SRPK2: variants seen among roughly 807,000 people sequenced by gnomAD.
SRPK2 encodes the protein SFRS protein kinase 2.
SRPK2 carries 21 observed loss-of-function variants against 90.8 expected under a neutral mutation model. That is an observed-to-expected ratio of 0.23 (90% CI 0.16 to 0.33). The LOEUF (loss-of-function observed/expected upper bound fraction) is 0.33. Ranked by LOEUF, SRPK2 falls within the 10% of genes least tolerant of loss-of-function variation. SRPK2 has a pLI of 1.00. For synonymous variants in SRPK2, 288 were observed against 311.1 expected, an observed-to-expected ratio of 0.93 and a Z score of 0.78; for missense variants, 620 against 869.0, an observed-to-expected ratio of 0.71 and a Z score of 3.60.
At chr7:105,305,022 A>AT (rs1810990407) in intron 2 of SRPK2, among the ~76,000 whole-genome samples, 3 of 152,252 alleles carry the variant, frequency 2.0e-5, no homozygotes, top group South Asian at 4.1e-4. Flanking sequence ...CTTTAGAAGC[A>AT]TCTAGAACCA....
intron 2 of SRPK2, among the ~76,000 whole-genome samples, chr7:105,291,515 G>A (rs749223950): frequency 6.6e-6 from 1 of 152,158 alleles, no homozygotes; most frequent in Non-Finnish European, 1.5e-5. Flanking sequence ...GATCACTTGA[G>A]TTCAGGAGTT....
At chr7:105,276,416 C>T (rs1408453859) in intron 2 of SRPK2, among the ~76,000 whole-genome samples, 1 of 151,946 alleles carries the variant, frequency 6.6e-6, no homozygotes, top group African/African-American at 2.4e-5. Context: ...TCGTGCCTTA[C>T]ATTTATCTGG....
chr7:105,330,327 ACT>A (rs1003615368), intron 2 of SRPK2, among the ~76,000 whole-genome samples: 3 of 151,804 alleles, frequency 2.0e-5, no homozygotes, highest in Non-Finnish European at 4.4e-5. Context: ...ACAGATCGAG[ACT>A]CTGTCTCAAA....
intron 2 of SRPK2, among the ~76,000 whole-genome samples, chr7:105,299,124 G>C (rs1043609386): frequency 2.0e-5 from 3 of 152,226 alleles, no homozygotes; most frequent in African/African-American, 7.2e-5. Context: ...TGTTGGAACT[G>C]AGAATGAGCC....
chr7:105,357,580 C>A (rs1162161474), intron 2 of SRPK2, among the ~76,000 whole-genome samples: 1 of 151,816 alleles, frequency 6.6e-6, no homozygotes, highest in Non-Finnish European at 1.5e-5. Flanking sequence ...CCCATCTCTA[C>A]TAAAAATACA....
At chr7:105,200,974 T>C (rs965148110) in intron 3 of SRPK2, among the ~76,000 whole-genome samples, 3 of 152,170 alleles carry the variant, frequency 2.0e-5, no homozygotes, top group Non-Finnish European at 2.9e-5. Flanking sequence ...ATCTTGATGG[T>C]TGTATTTTGA....
At chr7:105,276,676 T>C (rs971402957) in intron 2 of SRPK2, among the ~76,000 whole-genome samples, 3 of 152,070 alleles carry the variant, frequency 2.0e-5, no homozygotes, top group African/African-American at 4.8e-5. Flanking sequence ...AGGTTGAAGC[T>C]GCAGTTTACC....
At chr7:105,368,394 C>T (rs1819320869) in intron 2 of SRPK2, among the ~76,000 whole-genome samples, 1 of 152,100 alleles carries the variant, frequency 6.6e-6, no homozygotes, top group Admixed American at 6.6e-5. Flanking sequence ...TTCCTCCCAG[C>T]AAAGGAAGGA....
At chr7:105,273,763 G>A (rs1226913913) in intron 2 of SRPK2, among the ~76,000 whole-genome samples, 1 of 152,170 alleles carries the variant, frequency 6.6e-6, no homozygotes, top group African/African-American at 2.4e-5. Context: ...ACAGGCACCT[G>A]AATGTTCAAT....
chr7:105,120,840 G>A (rs1046470200), intron 15 of SRPK2, among the ~76,000 whole-genome samples: 2 of 152,134 alleles, frequency 1.3e-5, no homozygotes, highest in East Asian at 1.9e-4. Context: ...CCCCAACTCT[G>A]TATCTATTGC....
At chr7:105,215,277 A>G (rs1797322947) in intron 2 of SRPK2, among the ~76,000 whole-genome samples, 1 of 152,212 alleles carries the variant, frequency 6.6e-6, no homozygotes, top group African/African-American at 2.4e-5. Flanking sequence ...GAAACATGAA[A>G]AAATCAAAAC....
chr7:105,212,096 G>A (rs977530818), intron 2 of SRPK2, among the ~76,000 whole-genome samples: 10 of 152,162 alleles, frequency 6.6e-5, no homozygotes, highest in Non-Finnish European at 1.5e-4. Flanking sequence ...CAAACCTCTG[G>A]TTCTAAAATT....
Position 105,146,539 on chromosome 7 carries a change from G to C in SRPK2, c.741C>G (p.Ala247=). 1 of 1,614,140 alleles carries C rather than the reference G, an allele frequency of 6.2e-7. No individual in the cohort carries two copies. Among genetic ancestry groups the C allele is most frequent in the Non-Finnish European group, 8.5e-7 (1 of 1,180,026 alleles). Residue 247 remains alanine, a synonymous_variant, in exon 8 of 16, where the codon GCC becomes GCG. Coordinates refer to ENST00000393651, the MANE Select transcript of SRPK2 (RefSeq NM_182692.3). ...GAGCACCTGCTTTCTGCCACTCAGT[G>C]GCCTCAGCTGCCATTCTTCTCACAT... ...DAYVRRMAAE[A]TEWQKAGAPP... is the part of the protein sequence containing the mutation.
intron 2 of SRPK2, among the ~76,000 whole-genome samples, chr7:105,297,739 T>C (rs1810013237): frequency 4.7e-4 from 4 of 8,558 alleles, no homozygotes; most frequent in African/African-American, 2.5e-3. Context: ...AGCTGTAAAT[T>C]TTTTTTTTTT....
chr7:105,388,670 T>C lies in SRPK2; in HGVS notation c.49A>G (p.Lys17Glu). 6.3e-7 allele frequency: 1 copy of C among 1,588,138 alleles called. No homozygotes were observed. Among genetic ancestry groups the C allele is most frequent in the Non-Finnish European group, 8.6e-7 (1 of 1,167,174 alleles). The change falls in exon 2 of 16, where the codon AAA (lysine) becomes GAA (glutamate). Residue 17 changes from lysine to glutamate, a missense_variant. Lys to Glu is a moderately conservative substitution (Grantham distance 56). Around this residue, in one of 8 missense-constraint regions of SRPK2, gnomAD observed 56 missense variants for 49.6 expected, o/e 1.13. Transcript: ENST00000393651. ...CACTTTTTCGGATGTTTCTCTCTTT[T>C]CGGCCTCCGCTTTCGGGCCTGAATG... ...LAIQARKRRP[K>E]REKHPKKPEP...
At chr7:105,387,904 G>A (rs1250062569) in intron 2 of SRPK2, among the ~76,000 whole-genome samples, 2 of 152,200 alleles carry the variant, frequency 1.3e-5, no homozygotes, top group Non-Finnish European at 1.5e-5. Context: ...CAGGCTGGAG[G>A]TGGCCGCCAC....
rs182864929 is a variant in SRPK2, at chr7:105,211,090, A to C, written c.72-7305T>G. ...TGTGCTGCCCTGATTTCTGTCCTACAAAACTGTGAGTTAATAAACAGGTGT... is the reference window on the plus strand; with the variant it reads ...TGTGCTGCCCTGATTTCTGTCCTACCAAACTGTGAGTTAATAAACAGGTGT... On this transcript the variant is annotated intron_variant, in intron 2 of 15. Coordinates refer to ENST00000393651, the MANE Select transcript of SRPK2 (RefSeq NM_182692.3). 7.9e-5 allele frequency among the ~76,000 whole-genome samples: 12 copies of C among 152,334 alleles called. No homozygotes were observed. In the East Asian group the frequency reaches 2.3e-3, roughly 29 times the overall value.
chr7:105,115,878 TCATA>T (rs887596992), downstream of SRPK2, among the ~76,000 whole-genome samples: 2 of 152,170 alleles, frequency 1.3e-5, no homozygotes, highest in Non-Finnish European at 2.9e-5. Flanking sequence ...AGGATGTTTC[TCATA>T]GAAATCACGG....
intron 15 of SRPK2, among the ~76,000 whole-genome samples, chr7:105,119,437 A>G (rs1334164823): frequency 6.6e-6 from 1 of 152,192 alleles, no homozygotes; most frequent in African/African-American, 2.4e-5. Context: ...TCTATTGTGA[A>G]GAGTGTTCTT....
Sources: gnomAD v4.1 joint callset for allele counts (sites outside exome capture counted in the v4.1 genomes callset) on GRCh38, gnomAD v4.1.1 for gene constraint, gnomAD v4.1.1 regional missense constraint, MANE v1.5 for transcripts, NCBI Gene and HGNC (gene_info 2026-07-23, HGNC 2026-07-21) for gene names.